Variants in KCNJ6 observed in about 807,000 individuals in gnomAD.
KCNJ6 encodes G protein-activated inward rectifier potassium channel 2.
Under a neutral mutation model 34.2 loss-of-function variants are expected in KCNJ6, and 9 were observed. The ratio of observed to expected loss-of-function variants is 0.26; its 90% CI spans 0.16 to 0.46. The LOEUF (loss-of-function observed/expected upper bound fraction) is 0.46. Among genes scored for constraint, KCNJ6 ranks in the 20% least tolerant of loss-of-function variants. The probability of loss-of-function intolerance (pLI) is 1.00; values close to 1 mark genes in which losing one functional copy is unlikely to be tolerated. For missense variants in KCNJ6, 236 were observed against 531.3 expected (o/e 0.44, Z 5.46); for synonymous variants, 196 against 207.1 (o/e 0.95, Z 0.46).
chr21:37,867,988 G>A (rs1019288365), intron 1 of KCNJ6, among the ~76,000 whole-genome samples: 1 of 152,166 alleles, frequency 6.6e-6, no homozygotes, highest in Non-Finnish European at 1.5e-5. Context: ...AGCAGAAATC[G>A]CTAGTTCTTG....
intron 3 of KCNJ6, among the ~76,000 whole-genome samples, chr21:37,637,504 T>C (rs1275784515): frequency 1.3e-5 from 2 of 152,196 alleles, no homozygotes; most frequent in African/African-American, 4.8e-5. Context: ...AGAAATGTTA[T>C]TTATTGAGTG....
intron 2 of KCNJ6, among the ~76,000 whole-genome samples, chr21:37,765,416 C>A (rs372272417): frequency 1.3e-5 from 2 of 152,136 alleles, no homozygotes; most frequent in African/African-American, 4.8e-5. Flanking sequence ...TATCTGGAGG[C>A]GCCTTTGACA....
intron 3 of KCNJ6, among the ~76,000 whole-genome samples, chr21:37,709,482 C>G (rs1386210198): frequency 6.6e-6 from 1 of 151,576 alleles, no homozygotes; most frequent in Non-Finnish European, 1.5e-5. Context: ...CCACTGCACT[C>G]CAGCCTGGGC....
At chr21:37,712,155 T>C (rs988946027) in intron 3 of KCNJ6, among the ~76,000 whole-genome samples, 6 of 152,160 alleles carry the variant, frequency 3.9e-5, no homozygotes, top group Non-Finnish European at 8.8e-5. Context: ...AAAGCTTAAC[T>C]CCCACAATTT....
chr21:37,631,805 A>G (rs544984882), intron 3 of KCNJ6, among the ~76,000 whole-genome samples: 1 of 152,246 alleles, frequency 6.6e-6, no homozygotes, highest in Admixed American at 6.5e-5. Context: ...ATCCCCGTTA[A>G]TTGAGTGTGA....
intron 2 of KCNJ6, among the ~76,000 whole-genome samples, chr21:37,769,685 A>G (rs1343437635): frequency 2.0e-5 from 3 of 152,018 alleles, no homozygotes; most frequent in Admixed American, 6.6e-5. Context: ...GGGGGCTGCT[A>G]TGGTTTGAAT....
rs2054264093 is a variant in KCNJ6, at chr21:37,615,620, A to G, written c.*9539T>C. 2.0e-5 allele frequency: 3 copies of G among 152,222 alleles called. No homozygotes were observed. In the South Asian group the frequency reaches 6.2e-4, roughly 31 times the overall value. 9.4% of individuals were successfully genotyped at this position (152,222 alleles called of 1,614,324 possible). A position where few individuals can be genotyped will look rare whatever the true frequency, so the allele number is the denominator to read the frequency against. ...GATGGAAAATGGCAAGTTCAAGAAG[A>G]AATAGTATTCTGGAACTTTGCTCTG... On this transcript the variant is annotated 3_prime_UTR_variant, in exon 4 of 4. Transcript: ENST00000609713.
chr21:37,702,269 G>C (rs1362663475), intron 3 of KCNJ6, among the ~76,000 whole-genome samples: 15 of 145,052 alleles, frequency 1.0e-4, no homozygotes. Flanking sequence ...TGACTGTTCT[G>C]TGCCAAGTGA....
At chr21:37,795,852 G>A (rs1418683388) in intron 2 of KCNJ6, among the ~76,000 whole-genome samples, 1 of 152,114 alleles carries the variant, frequency 6.6e-6, no homozygotes, top group African/African-American at 2.4e-5. Flanking sequence ...TGTTTTTGAG[G>A]TGGTATTATT....
At chr21:37,796,472 G>A (rs965696752) in intron 2 of KCNJ6, among the ~76,000 whole-genome samples, 5 of 152,210 alleles carry the variant, frequency 3.3e-5, no homozygotes, top group African/African-American at 1.2e-4. Flanking sequence ...GATGGGACCA[G>A]GCCCCATTTC....
rs1042967382 is a variant in KCNJ6, at chr21:37,615,644, T to C, written c.*9515A>G. 6.6e-5 allele frequency: 10 copies of C among 152,166 alleles called. No individual in the cohort carries two copies. The highest frequency in any genetic ancestry group is 1.5e-4 in the Non-Finnish European group (10 of 68,010). 9.4% of individuals were successfully genotyped at this position (152,166 alleles called of 1,614,324 possible). On this transcript the variant is annotated 3_prime_UTR_variant, in exon 4 of 4. Transcript: ENST00000609713. ...GAAATAGTATTCTGGAACTTTGCTC[T>C]GGGGGCAAAAATGAGTATTTCTGAT...
intron 1 of KCNJ6, among the ~76,000 whole-genome samples, chr21:37,888,083 G>A (rs1207631991): frequency 6.6e-6 from 1 of 152,210 alleles, no homozygotes; most frequent in Non-Finnish European, 1.5e-5. Context: ...GTTCCCAATT[G>A]TCTCCATGAC....
intron 1 of KCNJ6, among the ~76,000 whole-genome samples, chr21:37,866,308 T>TA (rs1203162778): frequency 6.6e-6 from 1 of 152,212 alleles, no homozygotes; most frequent in Non-Finnish European, 1.5e-5. Flanking sequence ...TCTTACTGTA[T>TA]ATCACTTCCT....
At chr21:37,704,923 C>G (rs1441415330) in intron 3 of KCNJ6, among the ~76,000 whole-genome samples, 5 of 152,044 alleles carry the variant, frequency 3.3e-5, no homozygotes, top group African/African-American at 1.2e-4. Context: ...GGCACGGCAC[C>G]AGGGCATTTT....
chr21:37,617,048 C>CTTTCTTTTCT lies in KCNJ6; in HGVS notation c.*8101_*8110dup, dbSNP rs761974015. On this transcript the variant is annotated 3_prime_UTR_variant, in exon 4 of 4. Coordinates refer to ENST00000609713, the MANE Select transcript of KCNJ6 (RefSeq NM_002240.5). The stretch of plus-strand genomic sequence containing the variant: ...TCTTTCTTTCTTTCTTTCTTTCTTT[C>CTTTCTTTTCT]TTTCTTTTCTTTTCTTTTCTTTTCT... The CTTTCTTTTCT allele has an allele frequency of 1.7e-4, 12 of 70,160 alleles. No individual in the cohort carries two copies. Among genetic ancestry groups the CTTTCTTTTCT allele is most frequent in the African/African-American group, 5.6e-4 (11 of 19,700 alleles). The allele number at this position is 70,160 out of a possible 1,614,324, so 4.3% of individuals were successfully genotyped here.
intron 2 of KCNJ6, among the ~76,000 whole-genome samples, chr21:37,803,867 A>G (rs774699695): frequency 2.0e-5 from 3 of 152,088 alleles, no homozygotes; most frequent in Non-Finnish European, 4.4e-5. Flanking sequence ...CCTTCATGGG[A>G]CCAGGGACAC....
intron 2 of KCNJ6, among the ~76,000 whole-genome samples, chr21:37,819,193 A>G (rs1199062347): frequency 6.6e-6 from 1 of 152,166 alleles, no homozygotes; most frequent in Non-Finnish European, 1.5e-5. Context: ...CAGATAGTGA[A>G]TGATTCCAAA....
In KCNJ6 at chr21:37,714,497, C is replaced by G. The variant is rs1454606947; in HGVS notation, c.660G>C (p.Leu220=). ...TCCTAAGGTCCCCTACCCGGAACAT[C>G]AGGCACAGTTTCCCATCCCGCATGG... ...VISMRDGKLC[L]MFRVGDLRNS... The change falls in exon 3 of 4, where the codon CTG becomes CTC. Residue 220 remains leucine, a synonymous_variant. Transcript: ENST00000609713. This position sits in a 1 kb window ranked among gnomAD's most constrained non-coding sequence, Gnocchi z 5.9. 1 of 1,614,198 alleles carries G rather than the reference C, an allele frequency of 6.2e-7. No individual in the cohort carries two copies.
At position 37,618,928 on chromosome 21, in the gene KCNJ6, A is replaced by G. The variant is rs2054281712; in HGVS notation, c.*6231T>C. 6.6e-6 allele frequency: 1 copy of G among 152,160 alleles called. No homozygotes were observed. The highest frequency in any genetic ancestry group is 2.4e-5 in the African/African-American group (1 of 41,440). 9.4% of individuals were successfully genotyped at this position (152,160 alleles called of 1,614,324 possible). On this transcript the variant is annotated 3_prime_UTR_variant, in exon 4 of 4. Coordinates refer to ENST00000609713, the MANE Select transcript of KCNJ6 (RefSeq NM_002240.5). ...GTTTGACTCCTTTTACATTTATTTAAGTTTTATGGTGTTGAACTTTGAGAT... is the reference window on the plus strand; with the variant it reads ...GTTTGACTCCTTTTACATTTATTTAGGTTTTATGGTGTTGAACTTTGAGAT...
Sources: allele counts gnomAD v4.1 joint callset (sites outside exome capture counted in the v4.1 genomes callset), GRCh38; gene constraint gnomAD v4.1.1; non-coding constraint Gnocchi (gnomAD v3.1); transcripts MANE v1.5; gene names NCBI Gene and HGNC (gene_info 2026-07-23, HGNC 2026-07-21).